Variants in VNN1 observed in about 807,000 individuals in gnomAD.
VNN1 encodes vanin 1.
Under a neutral mutation model 41.9 loss-of-function variants are expected in VNN1, and 29 were observed. The observed-to-expected ratio is 0.69, with a 90% CI of 0.52 to 0.94. VNN1 has a LOEUF of 0.94. VNN1 is among the 40% of genes least tolerant of loss of function. The probability of loss-of-function intolerance (pLI) is 0.00; values close to 1 mark genes in which losing one functional copy is unlikely to be tolerated. For synonymous variants in VNN1, 233 were observed against 224.4 expected (o/e 1.04, Z -0.34); for missense variants, 637 against 621.1 (o/e 1.03, Z -0.27).
chr6:132,697,819 T>C (rs1407520122), intron 2 of VNN1, among the ~76,000 whole-genome samples: 2 of 152,180 alleles, frequency 1.3e-5, no homozygotes, highest in Non-Finnish European at 2.9e-5. Context: ...CGTTCAATAG[T>C]TTAACCCACC....
At chr6:132,703,922 C>T (rs748695816) in intron 2 of VNN1, among the ~76,000 whole-genome samples, 2 of 151,884 alleles carry the variant, frequency 1.3e-5, no homozygotes, top group Non-Finnish European at 2.9e-5. Flanking sequence ...TTTTATCAGA[C>T]AGAATAGATT....
chr6:132,699,881 A>G (rs559269646), intron 2 of VNN1, among the ~76,000 whole-genome samples: 9 of 152,222 alleles, frequency 5.9e-5, no homozygotes, highest in Non-Finnish European at 7.4e-5. Flanking sequence ...GAATTATCCA[A>G]CCTCTGATAT....
chr6:132,691,534 A>C (rs572257826), intron 5 of VNN1, among the ~76,000 whole-genome samples: 80 of 152,316 alleles, frequency 5.3e-4, no homozygotes, highest in African/African-American at 1.9e-3. Flanking sequence ...TTGTGAACAT[A>C]TAAGGAAAAT....
At chr6:132,697,765 A>G (rs1358402169) in intron 2 of VNN1, among the ~76,000 whole-genome samples, 2 of 152,128 alleles carry the variant, frequency 1.3e-5, no homozygotes, top group African/African-American at 4.8e-5. Flanking sequence ...ATAATAATAC[A>G]TATAGAAAAT....
chr6:132,685,817 A>C (rs1237531473), intron 5 of VNN1, among the ~76,000 whole-genome samples: 1 of 152,134 alleles, frequency 6.6e-6, no homozygotes, highest in African/African-American at 2.4e-5. Flanking sequence ...ATCCTCCCCT[A>C]CTCCAGTAAA....
rs1778178700 is a variant in VNN1, at chr6:132,684,494, C to T, written c.1200G>A (p.Leu400=). 3 of 1,613,802 alleles carry T rather than the reference C, an allele frequency of 1.9e-6. No individual in the cohort carries two copies. The highest frequency in any genetic ancestry group is 1.3e-5 in the African/African-American group (1 of 74,918). ...EGRYYLQICT[L]LKCKTTNLNT... ...TTAAATTAGTCGTTTTACATTTCAA[C>T]AGGGTACAAATCTAGGGAAGTCATG... The change falls in exon 6 of 7, where the codon CTG becomes CTA. Residue 400 remains leucine (L), a synonymous_variant. Transcript: ENST00000367928.
chr6:132,693,756 G>A (rs1466717991), intron 3 of VNN1, among the ~76,000 whole-genome samples: 1 of 152,144 alleles, frequency 6.6e-6, no homozygotes, highest in African/African-American at 2.4e-5. Flanking sequence ...CATAATGCAT[G>A]CGGCACTTTC....
At chr6:132,690,223 TCCACCAGCTGACCATCAC>T (rs1222330557) in intron 5 of VNN1, among the ~76,000 whole-genome samples, 18 of 152,188 alleles carry the variant, frequency 1.2e-4, no homozygotes, top group Non-Finnish European at 1.0e-4. Flanking sequence ...CTGGACCACT[TCCACCAGCTGACCATCAC>T]CCACAGAATA....
At chr6:132,707,096 G>C (rs1562220693) in intron 2 of VNN1, among the ~76,000 whole-genome samples, 1 of 151,854 alleles carries the variant, frequency 6.6e-6, no homozygotes, top group East Asian at 1.9e-4. Context: ...TGTAGTGGCA[G>C]GCACCTGTAA....
chr6:132,709,260 C>G (rs932768428), intron 2 of VNN1, among the ~76,000 whole-genome samples: 2 of 151,812 alleles, frequency 1.3e-5, no homozygotes, highest in Non-Finnish European at 2.9e-5. Flanking sequence ...CATTTATTAC[C>G]TCCCCACACT....
At chr6:132,685,710 G>A (rs1778195543) in intron 5 of VNN1, among the ~76,000 whole-genome samples, 1 of 152,170 alleles carries the variant, frequency 6.6e-6, no homozygotes, top group Non-Finnish European at 1.5e-5. Flanking sequence ...TATACCTAGA[G>A]CTAGGAGTAA....
Position 132,681,847 on chromosome 6 carries a change from T to C in VNN1, c.*1293A>G, listed in dbSNP as rs1778128827. ...TTAGGAAAAACATCTGCCACAAAAA[T>C]GTTTGTCTCAAAATGATGTTTTGCT... On this transcript the variant is annotated 3_prime_UTR_variant, in exon 7 of 7. Transcript: ENST00000367928. 1.3e-5 allele frequency: 2 copies of C among 152,660 alleles called. 1 individual carries two copies. The highest frequency in any genetic ancestry group is 4.1e-4 in the South Asian group (2 of 4,834). 9.5% of individuals were successfully genotyped at this position (152,660 alleles called of 1,614,324 possible). A position where few individuals can be genotyped will look rare whatever the true frequency, so the allele number is the denominator to read the frequency against.
At chr6:132,701,106 G>A (rs1442165679) in intron 2 of VNN1, among the ~76,000 whole-genome samples, 1 of 152,154 alleles carries the variant, frequency 6.6e-6, no homozygotes, top group African/African-American at 2.4e-5. Context: ...CTAACGACAA[G>A]TCTGGAAAGG....
At position 132,683,074 on chromosome 6, in the gene VNN1, A is replaced by T; in HGVS notation, c.*66T>A. The T allele has an allele frequency of 6.8e-7, 1 of 1,460,354 alleles. No individual in the cohort carries two copies. Among genetic ancestry groups the T allele is most frequent in the Non-Finnish European group, 9.3e-7 (1 of 1,079,094 alleles). The allele number at this position is 1,460,354 out of a possible 1,614,324, so 90.5% of individuals were successfully genotyped here. On this transcript the variant is annotated 3_prime_UTR_variant, in exon 7 of 7. Transcript: ENST00000367928. ...CTAGAGGATAATATTAACCCGGACC[A>T]ATCTTTCTTTTCTCATCCATCATTT... is the stretch of plus-strand genomic sequence containing the variant.
intron 5 of VNN1, among the ~76,000 whole-genome samples, chr6:132,686,002 A>G (rs968951477): frequency 1.3e-5 from 2 of 152,138 alleles, no homozygotes. Context: ...TAATGCTGTC[A>G]GCAAGGATTT....
chr6:132,701,613 C>A (rs1010182881), intron 2 of VNN1, among the ~76,000 whole-genome samples: 1 of 152,158 alleles, frequency 6.6e-6, no homozygotes, highest in African/African-American at 2.4e-5. Context: ...CCAAATAGAA[C>A]CTTCCAGCAA....
At chr6:132,685,648 A>G (rs1778194592) in intron 5 of VNN1, among the ~76,000 whole-genome samples, 1 of 152,066 alleles carries the variant, frequency 6.6e-6, no homozygotes, top group Non-Finnish European at 1.5e-5. Context: ...AGAAAGAGCC[A>G]AGAATCCCTA....
intron 5 of VNN1, among the ~76,000 whole-genome samples, chr6:132,691,143 G>A (rs138338800): frequency 7.4e-4 from 112 of 152,280 alleles, no homozygotes; most frequent in African/African-American, 2.6e-3. Flanking sequence ...AGAATAGGAA[G>A]GGACCACACA....
intron 5 of VNN1, among the ~76,000 whole-genome samples, chr6:132,687,311 G>A (rs553654397): frequency 6.6e-6 from 1 of 152,316 alleles, no homozygotes; most frequent in Admixed American, 6.5e-5. Context: ...TAAGAGGAAA[G>A]GCAGTTTCAG....
Sources: allele counts gnomAD v4.1 joint callset (sites outside exome capture counted in the v4.1 genomes callset), GRCh38; gene constraint gnomAD v4.1.1; transcripts MANE v1.5; gene names NCBI Gene and HGNC (gene_info 2026-07-23, HGNC 2026-07-21).